RIMS2: variants seen among roughly 807,000 people sequenced by gnomAD.
RIMS2 encodes the protein regulating synaptic membrane exocytosis protein 2.
Under a neutral mutation model 174.4 loss-of-function variants are expected in RIMS2, and 59 were observed. The observed-to-expected ratio is 0.34, with a 90% CI of 0.27 to 0.42. RIMS2 has a LOEUF of 0.42. RIMS2 is among the 10% of genes least tolerant of loss of function. RIMS2 has a pLI of 1.00. For missense variants in RIMS2, 1,620 were observed against 1,666.3 expected, an observed-to-expected ratio of 0.97 and a Z score of 0.48; for synonymous variants, 606 against 572.5, an observed-to-expected ratio of 1.06 and a Z score of -0.84.
intron 3 of RIMS2, among the ~76,000 whole-genome samples, chr8:103,847,415 A>G (rs2098973656): frequency 6.6e-6 from 1 of 152,100 alleles, no homozygotes. Context: ...TATCAGACTA[A>G]AGAGTTCTGG....
chr8:103,545,039 G>A (rs996451914), intron 1 of RIMS2, among the ~76,000 whole-genome samples: 1 of 152,168 alleles, frequency 6.6e-6, no homozygotes, highest in African/African-American at 2.4e-5. Context: ...TCTTAACCAG[G>A]CTTAAATGAC....
intron 1 of RIMS2, among the ~76,000 whole-genome samples, chr8:103,558,193 G>A (rs1426410120): frequency 6.6e-6 from 1 of 151,746 alleles, no homozygotes; most frequent in Non-Finnish European, 1.5e-5. Flanking sequence ...AGACAAAAGA[G>A]GAAAAAAAAG....
At chr8:103,603,218 A>G (rs1180832753) in intron 1 of RIMS2, among the ~76,000 whole-genome samples, 9 of 144,500 alleles carry the variant, frequency 6.2e-5, no homozygotes, top group East Asian at 2.1e-4. Context: ...TCATTGTTCA[A>G]TTCCCACCTA....
intron 3 of RIMS2, among the ~76,000 whole-genome samples, chr8:103,813,950 T>C (rs933057479): frequency 6.6e-6 from 1 of 152,220 alleles, no homozygotes; most frequent in Non-Finnish European, 1.5e-5. Flanking sequence ...CATGCACTCG[T>C]ATGTTCATTG....
At chr8:104,245,899 T>C (rs2099328273) in intron 20 of RIMS2, among the ~76,000 whole-genome samples, 2 of 152,224 alleles carry the variant, frequency 1.3e-5, no homozygotes, top group Non-Finnish European at 2.9e-5. Flanking sequence ...CATTTGTAAG[T>C]AGGCTTATTT....
At chr8:104,223,773 C>T in intron 19 of RIMS2, 1 of 1,596,442 alleles carries the variant, frequency 6.3e-7, no homozygotes, top group Non-Finnish European at 8.5e-7. Flanking sequence ...TGCATGAACT[C>T]CCTGGAGGAG....
intron 2 of RIMS2, among the ~76,000 whole-genome samples, chr8:103,761,857 C>G (rs2098116278): frequency 6.6e-6 from 1 of 152,078 alleles, no homozygotes; most frequent in Non-Finnish European, 1.5e-5. Flanking sequence ...GTGCAGTTAG[C>G]TGGATCATAG....
intron 4 of RIMS2, among the ~76,000 whole-genome samples, chr8:103,908,387 T>C (rs1473195380): frequency 6.6e-6 from 1 of 152,180 alleles, no homozygotes. Context: ...TTCTTATATG[T>C]CCACTAGGTT....
chr8:103,625,529 A>G (rs755116242), intron 1 of RIMS2, among the ~76,000 whole-genome samples: 1 of 152,168 alleles, frequency 6.6e-6, no homozygotes, highest in African/African-American at 2.4e-5. Flanking sequence ...ATGCTTTCCC[A>G]TGTATTAATT....
At chr8:103,581,725 C>T (rs1224076371) in intron 1 of RIMS2, among the ~76,000 whole-genome samples, 1 of 152,130 alleles carries the variant, frequency 6.6e-6, no homozygotes. Context: ...CTTAGAAAAA[C>T]GTGAGGTCAG....
intron 13 of RIMS2, among the ~76,000 whole-genome samples, chr8:103,937,116 G>GATAA (rs140284516): frequency 0.027 from 4,097 of 150,256 alleles, 97 homozygotes; most frequent in East Asian, 0.13. Flanking sequence ...AATAATTAAA[G>GATAA]ATAAATAAAT....
intron 12 of RIMS2, among the ~76,000 whole-genome samples, chr8:103,932,315 G>A (rs1036159495): frequency 2.0e-5 from 3 of 152,150 alleles, no homozygotes; most frequent in African/African-American, 4.8e-5. Flanking sequence ...GGGTACCAAA[G>A]TGTCACCTGA....
chr8:103,708,856 A>G lies in RIMS2; in HGVS notation c.387+11560A>G, dbSNP rs150087282. 4.2e-3 allele frequency among the ~76,000 whole-genome samples: 644 copies of G among 152,226 alleles called. 4 individuals are homozygous for G. Among genetic ancestry groups the G allele is most frequent in the African/African-American group, 0.015 (613 of 41,536 alleles). On this transcript the variant is annotated intron_variant, in intron 2 of 23. Coordinates refer to ENST00000504942, the Ensembl canonical transcript of RIMS2. ...GGGAATTTTGGCCATTATTTTTCAA[A>G]TATTTTTACTGTTCCTTCCTTTCTC...
At chr8:103,701,312 C>T (rs897502257) in intron 2 of RIMS2, among the ~76,000 whole-genome samples, 45 of 151,880 alleles carry the variant, frequency 3.0e-4, no homozygotes, top group African/African-American at 9.4e-4. Flanking sequence ...ATTTAATAGT[C>T]GTACATATTA....
At chr8:104,248,887 A>G in intron 21 of RIMS2, 74 bp downstream of exon 27, 1 of 658,164 alleles carries the variant, frequency 1.5e-6, no homozygotes, top group Non-Finnish European at 2.7e-6. Context: ...AATTTCATAG[A>G]ATCTTCTCTC....
chr8:104,130,628 C>T (rs190878739), intron 19 of RIMS2, among the ~76,000 whole-genome samples: 1 of 151,982 alleles, frequency 6.6e-6, no homozygotes, highest in Admixed American at 6.6e-5. Context: ...GGTGCTTAGG[C>T]GGAAGATAAG....
At chr8:103,654,071 CT>C (rs1008759282) in intron 1 of RIMS2, among the ~76,000 whole-genome samples, 1 of 151,938 alleles carries the variant, frequency 6.6e-6, no homozygotes, top group Non-Finnish European at 1.5e-5. Flanking sequence ...CATTGTTTTG[CT>C]TTTTCACTAT....
At chr8:103,612,061 C>A (rs1456447323) in intron 1 of RIMS2, among the ~76,000 whole-genome samples, 1 of 152,062 alleles carries the variant, frequency 6.6e-6, no homozygotes, top group Non-Finnish European at 1.5e-5. Flanking sequence ...AGTTCTGCTA[C>A]TGAGAGACTC....
At chr8:104,013,695 C>T in intron 18 of RIMS2, 74 bp downstream of exon 20, 1 of 1,219,816 alleles carries the variant, frequency 8.2e-7, no homozygotes. Context: ...CAACAGTTAA[C>T]TGGTCTCTTC....
Sources: gnomAD v4.1 joint callset for allele counts (sites outside exome capture counted in the v4.1 genomes callset) on GRCh38, gnomAD v4.1.1 for gene constraint, MANE v1.5 for transcripts, NCBI Gene and HGNC (gene_info 2026-07-23, HGNC 2026-07-21) for gene names.